Variants in CADM2 observed in about 807,000 individuals in gnomAD.
CADM2 encodes the protein immunoglobulin superfamily member 4D.
A neutral mutation model predicts 49.8 loss-of-function variants in CADM2; 12 were observed. The observed-to-expected ratio is 0.24, with a 90% CI of 0.15 to 0.39. The LOEUF is 0.39. Ranked by LOEUF, CADM2 falls within the 10% of genes least tolerant of loss-of-function variation. The probability of loss-of-function intolerance (pLI) is 1.00; values close to 1 mark genes in which losing one functional copy is unlikely to be tolerated. For missense variants in CADM2, 378 were observed against 492.3 expected (o/e 0.77, Z 2.20); for synonymous variants, 214 against 175.4 (o/e 1.22, Z -1.74).
intron 8 of CADM2, among the ~76,000 whole-genome samples, chr3:85,964,317 G>T (rs1027299732): frequency 6.6e-6 from 1 of 151,564 alleles, no homozygotes; most frequent in African/African-American, 2.4e-5. Flanking sequence ...GATTTTTCAC[G>T]AGCTGAGACC....
chr3:85,261,566 T>C (rs1328770249), intron 1 of CADM2, among the ~76,000 whole-genome samples: 5 of 152,268 alleles, frequency 3.3e-5, no homozygotes, highest in Non-Finnish European at 5.9e-5. Flanking sequence ...TTATGAAATA[T>C]TTTCTATGGC....
At chr3:85,271,994 C>G (rs2043253856) in intron 1 of CADM2, among the ~76,000 whole-genome samples, 1 of 151,130 alleles carries the variant, frequency 6.6e-6, no homozygotes, top group African/African-American at 2.4e-5. Context: ...CCTGCCAACA[C>G]TATTTCATCT....
At chr3:85,141,685 A>G (rs918441907) in intron 1 of CADM2, among the ~76,000 whole-genome samples, 1 of 152,218 alleles carries the variant, frequency 6.6e-6, no homozygotes, top group Non-Finnish European at 1.5e-5. Flanking sequence ...TAGATAGGAT[A>G]TATGTTAATG....
chr3:85,447,317 A>G lies in CADM2; in HGVS notation c.62-279205A>G, dbSNP rs540170103. 2.0e-5 allele frequency among the ~76,000 whole-genome samples: 3 copies of G among 152,170 alleles called. No homozygotes were observed. The South Asian group carries it at 6.2e-4, about 32-fold the overall frequency. Reference sequence around the variant, plus strand: ...ATTCAGTTCTTGTCATTTACATTTTAGGTATTATAATTTGTGATAGCCTTA... The same window carrying G: ...ATTCAGTTCTTGTCATTTACATTTTGGGTATTATAATTTGTGATAGCCTTA... On this transcript the variant is annotated intron_variant, in intron 1 of 9. Coordinates refer to ENST00000383699, the MANE Select transcript of CADM2 (RefSeq NM_001167675.2).
chr3:85,495,035 T>C (rs2039831156), intron 1 of CADM2, among the ~76,000 whole-genome samples: 2 of 152,230 alleles, frequency 1.3e-5, no homozygotes, highest in Non-Finnish European at 2.9e-5. Context: ...TCTGTGTTCA[T>C]GTGTATGTAA....
chr3:85,653,982 C>T (rs150665552), intron 1 of CADM2, among the ~76,000 whole-genome samples: 2 of 152,298 alleles, frequency 1.3e-5, no homozygotes, highest in Admixed American at 6.5e-5. Flanking sequence ...ACATAAAATA[C>T]GGACTGTGAA....
chr3:85,658,574 GTGTATATA>G (rs1367693142), intron 1 of CADM2, among the ~76,000 whole-genome samples: 3 of 55,498 alleles, frequency 5.4e-5, no homozygotes, highest in Admixed American at 2.3e-4. Context: ...TTGGATATAT[GTGTATATA>G]TATATATATA....
intron 1 of CADM2, among the ~76,000 whole-genome samples, chr3:85,287,403 A>G (rs113595636): frequency 1.3e-5 from 2 of 152,086 alleles, no homozygotes; most frequent in African/African-American, 4.8e-5. Context: ...ACAGTCTTAC[A>G]TGGCTGAGTT....
chr3:85,753,446 G>A (rs1452298860), intron 2 of CADM2, among the ~76,000 whole-genome samples: 1 of 152,118 alleles, frequency 6.6e-6, no homozygotes, highest in East Asian at 1.9e-4. Context: ...CCTGATATGT[G>A]ACATTTGTAC....
At chr3:85,221,658 A>C (rs1400727666) in intron 1 of CADM2, among the ~76,000 whole-genome samples, 4 of 152,184 alleles carry the variant, frequency 2.6e-5, no homozygotes, top group African/African-American at 9.6e-5. Context: ...TGCCATAAAT[A>C]TATATAAGAA....
chr3:85,122,245 A>G (rs938724601), intron 1 of CADM2, among the ~76,000 whole-genome samples: 4 of 152,160 alleles, frequency 2.6e-5, no homozygotes, highest in African/African-American at 9.7e-5. Flanking sequence ...TGATTCACCA[A>G]CACATTTCAG....
intron 1 of CADM2, among the ~76,000 whole-genome samples, chr3:85,282,305 A>G (rs1288411678): frequency 8.1e-6 from 1 of 123,844 alleles, no homozygotes; most frequent in African/African-American, 3.2e-5. Flanking sequence ...TCTGTTGCCC[A>G]GGCTGTAGTA....
At chr3:85,089,239 A>G (rs1468995345) in intron 1 of CADM2, among the ~76,000 whole-genome samples, 1 of 152,142 alleles carries the variant, frequency 6.6e-6, no homozygotes, top group Admixed American at 6.6e-5. Flanking sequence ...TAGTTCTTCA[A>G]GCATTTTTAT....
chr3:85,777,625 TC>T (rs1268057858), intron 2 of CADM2, among the ~76,000 whole-genome samples: 1 of 152,204 alleles, frequency 6.6e-6, no homozygotes, highest in Non-Finnish European at 1.5e-5. Flanking sequence ...CCTCTACTAT[TC>T]TTTTTACCTC....
intron 1 of CADM2, among the ~76,000 whole-genome samples, chr3:85,350,185 A>AGGT (rs2031198892): frequency 6.6e-6 from 1 of 152,186 alleles, no homozygotes; most frequent in Admixed American, 6.6e-5. Flanking sequence ...TGGGATTAGA[A>AGGT]GGTTTTGGTT....
At chr3:84,964,461 A>G (rs2030818121) in intron 1 of CADM2, among the ~76,000 whole-genome samples, 1 of 152,184 alleles carries the variant, frequency 6.6e-6, no homozygotes, top group South Asian at 2.1e-4. Flanking sequence ...GTTTTATTTG[A>G]TCTTGCTGAC....
intron 7 of CADM2, among the ~76,000 whole-genome samples, chr3:85,954,246 A>C (rs1393643148): frequency 1.3e-5 from 2 of 151,238 alleles, no homozygotes; most frequent in African/African-American, 2.4e-5. Flanking sequence ...ATTTTTCAAT[A>C]ATTAATATGA....
chr3:85,221,062 A>C (rs535967849), intron 1 of CADM2, among the ~76,000 whole-genome samples: 5 of 152,328 alleles, frequency 3.3e-5, no homozygotes, highest in African/African-American at 1.2e-4. Flanking sequence ...AAAGAATCGG[A>C]TGAGGAAACC....
chr3:85,865,657 T>A (rs936640959), intron 3 of CADM2, among the ~76,000 whole-genome samples: 1 of 152,230 alleles, frequency 6.6e-6, no homozygotes, highest in African/African-American at 2.4e-5. Context: ...GTAAAATTTT[T>A]GAAAAGCTTA....
Sources: gnomAD v4.1 joint callset for allele counts (sites outside exome capture counted in the v4.1 genomes callset) on GRCh38, gnomAD v4.1.1 for gene constraint, MANE v1.5 for transcripts, NCBI Gene and HGNC (gene_info 2026-07-23, HGNC 2026-07-21) for gene names.